The following TMEM161A variants were observed in gnomAD, a reference collection of about 807,000 sequenced individuals.
The protein encoded by TMEM161A is transmembrane protein 161A.
In TMEM161A, 46 loss-of-function variants were observed where a neutral mutation model predicts 57.1. The observed-to-expected ratio is 0.81, with a 90% CI of 0.64 to 1.03. TMEM161A has a LOEUF of 1.03. Among genes scored for constraint, TMEM161A ranks in the 50% least tolerant of loss-of-function variants. The probability of loss-of-function intolerance (pLI) is 0.00; values close to 1 mark genes in which losing one functional copy is unlikely to be tolerated. For synonymous variants in TMEM161A, 288 were observed against 279.0 expected (o/e 1.03, Z -0.32); for missense variants, 601 against 621.5 (o/e 0.97, Z 0.35).
Position 19,121,429 on chromosome 19 carries a change from G to C in TMEM161A, c.801-8C>G. ...CTGGTGTGCAGGAGGAACCTGGGGG[G>C]TGAGGGCAGGAGGGAGTGAGGCCTG... On this transcript the variant is annotated splice_polypyrimidine_tract_variant and splice_region_variant and intron_variant, in intron 8 of 11. Coordinates refer to ENST00000162044, the MANE Select transcript of TMEM161A (RefSeq NM_017814.3). The surrounding 1 kb of genome is among the most constrained non-coding windows in gnomAD (Gnocchi z 5.8). 1.2e-6 allele frequency: 2 copies of C among 1,613,882 alleles called. No individual in the cohort carries two copies. Among genetic ancestry groups the C allele is most frequent in the South Asian group, 1.1e-5 (1 of 91,072 alleles).
In TMEM161A at chr19:19,132,175, C is replaced by A. The variant is rs1366740440; in HGVS notation, c.443+177G>T. On this transcript the variant is annotated intron_variant, in intron 5 of 11. Transcript: ENST00000162044. The surrounding 1 kb of genome is among the most constrained non-coding windows in gnomAD (Gnocchi z 4.3). ...TGGAGATGAACCGACCTGCTGAGCC[C>A]AGCCCAGTCTGTCCACCCACAGAGC... 6.6e-6 allele frequency among the ~76,000 whole-genome samples: 1 copy of A among 152,218 alleles called. No homozygotes were observed. The highest frequency in any genetic ancestry group is 1.5e-5 in the Non-Finnish European group (1 of 68,044).
chr19:19,125,722 T>C (rs2059927662), intron 6 of TMEM161A, among the ~76,000 whole-genome samples: 1 of 151,904 alleles, frequency 6.6e-6, no homozygotes, highest in African/African-American at 2.4e-5. Context: ...TTCACGGTGT[T>C]AGCCAGGATG....
intron 1 of TMEM161A, among the ~76,000 whole-genome samples, chr19:19,136,048 C>T (rs1340411980): frequency 3.3e-5 from 5 of 151,592 alleles, no homozygotes; most frequent in African/African-American, 1.2e-4. Flanking sequence ...ATTTTCTCAC[C>T]CAGTTCTTAA....
At position 19,127,495 on chromosome 19, in the gene TMEM161A, ATT is replaced by A. The variant is rs578222659; in HGVS notation, c.595+2659_595+2660del. On this transcript the variant is annotated intron_variant, in intron 6 of 11. Transcript: ENST00000162044. ...CCACCACACCCGGCTAATTTTTTGT[ATT>A]TTTTTTAGTAGAGACGGAGTTTCAC... is the stretch of plus-strand genomic sequence containing the variant. Among the ~76,000 whole-genome samples, 22 of 151,166 alleles carry A rather than the reference ATT, an allele frequency of 1.5e-4. No homozygotes were observed. In the East Asian group the frequency reaches 4.1e-3, roughly 28 times the overall value.
chr19:19,130,882 C>A (rs1193885123), intron 5 of TMEM161A, among the ~76,000 whole-genome samples: 1 of 151,720 alleles, frequency 6.6e-6, no homozygotes, highest in East Asian at 1.9e-4. Flanking sequence ...CTGATTGCAC[C>A]ACTGCACTCC....
chr19:19,138,413 G>T lies in TMEM161A; in HGVS notation c.3+13C>A. 1 of 1,603,168 alleles carries T rather than the reference G, an allele frequency of 6.2e-7. No homozygotes were observed. The highest frequency in any genetic ancestry group is 1.3e-5 in the African/African-American group (1 of 74,688). ...CCCTGCAGAACCCCCCACTTCGCGG[G>T]ACGCTCGCTCACCATGACGCGTGCG... On this transcript the variant is annotated intron_variant, in intron 1 of 11. Transcript: ENST00000162044.
At chr19:19,134,632 A>G in intron 2 of TMEM161A, 152 bp downstream of exon 2, 1 of 608,080 alleles carries the variant, frequency 1.6e-6, no homozygotes, top group East Asian at 2.8e-5. Flanking sequence ...AAATATATGC[A>G]GTTTGTTGTA....
In TMEM161A at chr19:19,120,140, G is replaced by A. The variant is rs758725969; in HGVS notation, c.1230C>T (p.Pro410=). ...WGLGPAPLLS[P]DPSSASAAPI... ...GGGCAGCGCTGGCTGAGGATGGGTC[G>A]GGGGATAGTAGAGGAGCTGGGCCCA... is the stretch of plus-strand genomic sequence containing the variant. Residue 410 remains proline, a synonymous_variant, in exon 12 of 12, where the codon CCC becomes CCT. Transcript: ENST00000162044. The A allele has an allele frequency of 5.8e-6, 9 of 1,563,422 alleles. No individual in the cohort carries two copies. Among genetic ancestry groups the A allele is most frequent in the South Asian group, 4.7e-5 (4 of 85,098 alleles).
chr19:19,124,865 G>A (rs1207807504), intron 6 of TMEM161A, among the ~76,000 whole-genome samples: 4 of 152,110 alleles, frequency 2.6e-5, no homozygotes, highest in Admixed American at 6.6e-5. Context: ...TGAGGCAGAA[G>A]AATTGCTTGA....
Position 19,121,313 on chromosome 19 carries a change from G to C in TMEM161A, c.909C>G (p.Phe303Leu). ...TAGCCCCACCCAATACGCACAGGGA[G>C]AAACGCGTCTCCCCAAACGGCGGCT... ...LHQPPFGETR[F>L]SLLSDSAFDS... Residue 303 changes from phenylalanine (F) to leucine (L), a missense_variant, in exon 9 of 12, where the codon TTC becomes TTG. By Grantham distance (22) the Phe-to-Leu change is conservative (BLOSUM62 0). Transcript: ENST00000162044. This position sits in a 1 kb window ranked among gnomAD's most constrained non-coding sequence, Gnocchi z 5.8. 1 of 1,563,198 alleles carries C rather than the reference G, an allele frequency of 6.4e-7. No homozygotes were observed. Among genetic ancestry groups the C allele is most frequent in the Non-Finnish European group, 8.7e-7 (1 of 1,153,754 alleles).
intron 1 of TMEM161A, among the ~76,000 whole-genome samples, chr19:19,137,380 C>T (rs1291925296): frequency 6.6e-6 from 1 of 152,144 alleles, no homozygotes; most frequent in South Asian, 2.1e-4. Flanking sequence ...GTGCATCTCT[C>T]CACCTAAGGC....
chr19:19,121,049 C>T lies in TMEM161A; in HGVS notation c.1032G>A (p.Arg344=). 1 of 1,611,862 alleles carries T rather than the reference C, an allele frequency of 6.2e-7. No individual in the cohort carries two copies. Among genetic ancestry groups the T allele is most frequent in the Non-Finnish European group, 8.5e-7 (1 of 1,179,400 alleles). The change falls in exon 10 of 12, where the codon CGG becomes CGA. Residue 344 remains arginine (R), a synonymous_variant. Transcript: ENST00000162044. This position sits in a 1 kb window ranked among gnomAD's most constrained non-coding sequence, Gnocchi z 5.8. ...CAGCCTCCCTTCGCAGCTGCTCCAC[C>T]CGGGCCTTGGCCAGGCACAGGTAGG... ...LQAYLCLAKA[R]VEQLRREAGR...
At position 19,119,992 on chromosome 19, in the gene TMEM161A, C is replaced by T. The variant is rs775459799; in HGVS notation, c.1378G>A (p.Ala460Thr). The T allele has an allele frequency of 7.0e-6, 11 of 1,582,728 alleles. No homozygotes were observed. The highest frequency in any genetic ancestry group is 9.4e-6 in the Non-Finnish European group (11 of 1,165,378). Residue 460 changes from alanine to threonine, a missense_variant, in exon 12 of 12, where the codon GCC (alanine) becomes ACC (threonine). Ala to Thr is a moderately conservative substitution (Grantham distance 58). Transcript: ENST00000162044. ...VLAYLIWWTA[A>T]CQLLASLFGL... Reference sequence around the variant, plus strand: ...AAAAGGCTGGCGAGCAGCTGGCAGGCAGCCGTCCACCAGATGAGGTAGGCC... The same window carrying T: ...AAAAGGCTGGCGAGCAGCTGGCAGGTAGCCGTCCACCAGATGAGGTAGGCC...
chr19:19,129,146 T>G (rs2059945266), intron 6 of TMEM161A, among the ~76,000 whole-genome samples: 1 of 152,184 alleles, frequency 6.6e-6, no homozygotes, highest in African/African-American at 2.4e-5. Context: ...CTTGATTCAT[T>G]TAAACCTTAC....
intron 6 of TMEM161A, among the ~76,000 whole-genome samples, chr19:19,124,369 C>T (rs981848416): frequency 2.0e-4 from 31 of 151,832 alleles, no homozygotes; most frequent in African/African-American, 7.5e-4. Context: ...TGAAAAAAGG[C>T]AAAACAACAA....
chr19:19,125,514 C>CTT (rs1187202482), intron 6 of TMEM161A, among the ~76,000 whole-genome samples: 40 of 115,978 alleles, frequency 3.4e-4, no homozygotes, highest in African/African-American at 8.7e-4. Flanking sequence ...CCTTGCCCAG[C>CTT]TTTTTTTTTT....
intron 6 of TMEM161A, among the ~76,000 whole-genome samples, chr19:19,122,713 T>C (rs1260207719): frequency 6.8e-6 from 1 of 147,816 alleles, no homozygotes; most frequent in East Asian, 2.0e-4. Flanking sequence ...GATGTGGAAG[T>C]TGCAGTGAGC....
Position 19,132,598 on chromosome 19 carries a change from G to A in TMEM161A, c.286+59C>T. 2.6e-6 allele frequency: 4 copies of A among 1,566,994 alleles called. No homozygotes were observed. Among genetic ancestry groups the A allele is most frequent in the Admixed American group, 1.8e-5 (1 of 54,922 alleles). ...CTTCAAATCCTCCCCACCCCCATGA[G>A]GGTGTGGAGACCTTCAGGGCTGAGG... On this transcript the variant is annotated intron_variant, in intron 4 of 11. Transcript: ENST00000162044. The surrounding 1 kb of genome is among the most constrained non-coding windows in gnomAD (Gnocchi z 4.3).
Position 19,119,699 on chromosome 19 carries a change from T to C in TMEM161A, c.*231A>G. The C allele has an allele frequency of 1.7e-6, 1 of 582,170 alleles. No individual in the cohort carries two copies. 36.1% of individuals were successfully genotyped at this position (582,170 alleles called of 1,614,324 possible). On this transcript the variant is annotated 3_prime_UTR_variant, in exon 12 of 12. Transcript: ENST00000162044. ...GCCACTCAAACCTGGCACATACGCTTCGGAGACAATGGCCTCGGGACCCTC... is the reference window on the plus strand; with the variant it reads ...GCCACTCAAACCTGGCACATACGCTCCGGAGACAATGGCCTCGGGACCCTC...
Sources: gnomAD v4.1 joint callset for allele counts (sites outside exome capture counted in the v4.1 genomes callset) on GRCh38, gnomAD v4.1.1 for gene constraint, Gnocchi (gnomAD v3.1) non-coding constraint, MANE v1.5 for transcripts, NCBI Gene and HGNC (gene_info 2026-07-23, HGNC 2026-07-21) for gene names.